ZBTB5: variants seen among roughly 807,000 people sequenced by gnomAD.
ZBTB5 encodes the protein zinc finger and BTB domain containing 5.
Under a neutral mutation model 37.9 loss-of-function variants are expected in ZBTB5, and 15 were observed. That is an observed-to-expected ratio of 0.40 (90% CI 0.26 to 0.61). The LOEUF (loss-of-function observed/expected upper bound fraction) is 0.61. ZBTB5 is among the 20% of genes least tolerant of loss of function. ZBTB5 has a pLI of 0.47. For missense variants in ZBTB5, 708 were observed against 856.8 expected (o/e 0.83, Z 2.17); for synonymous variants, 315 against 312.4 (o/e 1.01, Z -0.09).
chr9:37,452,083 A>C (rs1239988937), intron 1 of ZBTB5, among the ~76,000 whole-genome samples: 1 of 152,206 alleles, frequency 6.6e-6, no homozygotes, highest in Non-Finnish European at 1.5e-5. Context: ...TTACAAGAAC[A>C]GTTTAGCTTT....
chr9:37,446,892 A>C (rs1824001328), intron 1 of ZBTB5, among the ~76,000 whole-genome samples: 1 of 152,234 alleles, frequency 6.6e-6, no homozygotes, highest in Non-Finnish European at 1.5e-5. Flanking sequence ...TTTGAGGAAT[A>C]AAATAAACAG....
intron 1 of ZBTB5, among the ~76,000 whole-genome samples, chr9:37,451,687 C>A (rs1305927129): frequency 6.6e-6 from 1 of 151,740 alleles, no homozygotes; most frequent in African/African-American, 2.4e-5. Context: ...AAAAAACTGT[C>A]ATTATCACCC....
intron 1 of ZBTB5, among the ~76,000 whole-genome samples, chr9:37,453,027 GGATA>G (rs980226899): frequency 6.6e-6 from 1 of 152,164 alleles, no homozygotes; most frequent in African/African-American, 2.4e-5. Context: ...GTAACCATAT[GGATA>G]AACAGATGCT....
In ZBTB5 at chr9:37,454,295, C is replaced by T. The variant is rs529598215; in HGVS notation, c.-5+10920G>A. 1.6e-4 allele frequency among the ~76,000 whole-genome samples: 25 copies of T among 152,312 alleles called. No individual in the cohort carries two copies. In the South Asian group the frequency reaches 5.2e-3, roughly 32 times the overall value. On this transcript the variant is annotated intron_variant, in intron 1 of 1. Transcript: ENST00000307750. ...ATTCTAGCAAAGTCAGAAGGCCAGTCTAAAAGCCTTAACAGAGCTCAGGCT... is the reference window on the plus strand; with the variant it reads ...ATTCTAGCAAAGTCAGAAGGCCAGTTTAAAAGCCTTAACAGAGCTCAGGCT...
chr9:37,463,789 T>C (rs1007869719), intron 1 of ZBTB5, among the ~76,000 whole-genome samples: 12 of 152,188 alleles, frequency 7.9e-5, no homozygotes, highest in Non-Finnish European at 1.8e-4. Flanking sequence ...CTAAAAGTTA[T>C]GTTTTGACAC....
chr9:37,445,236 G>C (rs929294998), intron 1 of ZBTB5, among the ~76,000 whole-genome samples: 2 of 152,222 alleles, frequency 1.3e-5, no homozygotes, highest in African/African-American at 2.4e-5. Flanking sequence ...CATGGGGGAA[G>C]AGGGTAGAGG....
rs750912358 is a variant in ZBTB5, at chr9:37,441,286, A to G, written c.1266T>C (p.Thr422=). 1 of 1,614,222 alleles carries G rather than the reference A, an allele frequency of 6.2e-7. No homozygotes were observed. The highest frequency in any genetic ancestry group is 1.1e-5 in the South Asian group (1 of 91,084). ...FLNKSRGNNF[T]ANQNNDDNIP... ...TATTATCATCATTGTTCTGATTTGC[A>G]GTAAAGTTATTTCCTCTGCTCTTGT... Residue 422 remains threonine (T), a synonymous_variant, in exon 2 of 2, where the codon ACT becomes ACC. Transcript: ENST00000307750.
chr9:37,458,838 G>A (rs1009434693), intron 1 of ZBTB5, among the ~76,000 whole-genome samples: 2 of 152,146 alleles, frequency 1.3e-5, no homozygotes, highest in African/African-American at 4.8e-5. Context: ...TTCATTCAAG[G>A]TACAAAACAT....
chr9:37,441,542 G>A lies in ZBTB5; in HGVS notation c.1010C>T (p.Pro337Leu), dbSNP rs1220802954. 8.7e-6 allele frequency: 14 copies of A among 1,612,724 alleles called. No homozygotes were observed. Among genetic ancestry groups the A allele is most frequent in the Non-Finnish European group, 1.2e-5 (14 of 1,179,864 alleles). The change falls in exon 2 of 2, where the codon CCT becomes CTT. Residue 337 changes from proline to leucine, a missense_variant. By Grantham distance (98) the Pro-to-Leu change is moderately conservative. Transcript: ENST00000307750. ...VVVKSEPLSS[P>L]EPQDEVSDVT... ...ATCGCTCACTTCATCCTGAGGCTCA[G>A]GTGAGCTCAGGGGCTCAGATTTAAC...
At chr9:37,453,208 G>A (rs988269179) in intron 1 of ZBTB5, among the ~76,000 whole-genome samples, 2 of 152,136 alleles carry the variant, frequency 1.3e-5, no homozygotes, top group African/African-American at 4.8e-5. Flanking sequence ...TCTTTAAATA[G>A]TGACAGGGTC....
chr9:37,448,609 A>C (rs1263310951), intron 1 of ZBTB5, among the ~76,000 whole-genome samples: 2 of 152,250 alleles, frequency 1.3e-5, no homozygotes, highest in African/African-American at 2.4e-5. Flanking sequence ...TTACACTGTA[A>C]CATCTTCAAT....
chr9:37,442,054 C>T lies in ZBTB5; in HGVS notation c.498G>A (p.Glu166=). 1.9e-6 allele frequency: 3 copies of T among 1,613,912 alleles called. No homozygotes were observed. Among genetic ancestry groups the T allele is most frequent in the Middle Eastern group, 1.6e-4 (1 of 6,062 alleles). The change falls in exon 2 of 2, where the codon GAG becomes GAA. Residue 166 remains glutamate, a synonymous_variant. Transcript: ENST00000307750. The part of the protein sequence containing the change: ...SALNSSQNGE[E]QPAPMSSSMR... ...TGGAAGAGCTCATGGGGGCTGGCTG[C>T]TCCTCGCCATTCTGGCTGGAATTGA... is the stretch of plus-strand genomic sequence containing the variant.
chr9:37,443,508 CAACCT>C (rs1823923157), intron 1 of ZBTB5, among the ~76,000 whole-genome samples: 1 of 152,162 alleles, frequency 6.6e-6, no homozygotes, highest in African/African-American at 2.4e-5. Context: ...GCGGATAAAA[CAACCT>C]AACATATATA....
intron 1 of ZBTB5, among the ~76,000 whole-genome samples, chr9:37,463,699 C>T (rs1286628227): frequency 1.3e-5 from 2 of 152,200 alleles, no homozygotes; most frequent in African/African-American, 4.8e-5. Context: ...GATGCCTTTC[C>T]TCCAAATCTT....
intron 1 of ZBTB5, among the ~76,000 whole-genome samples, chr9:37,453,343 C>A (rs1824134766): frequency 6.6e-6 from 1 of 151,650 alleles, no homozygotes; most frequent in Non-Finnish European, 1.5e-5. Flanking sequence ...CAGACCACCA[C>A]ACGCAGCTTT....
Position 37,438,604 on chromosome 9 carries a change from C to G in ZBTB5, c.*1914G>C, listed in dbSNP as rs768924969. 6.6e-6 allele frequency: 1 copy of G among 152,278 alleles called. No individual in the cohort carries two copies. Among genetic ancestry groups the G allele is most frequent in the Admixed American group, 6.5e-5 (1 of 15,272 alleles). The allele number at this position is 152,278 out of a possible 1,614,324, so 9.4% of individuals were successfully genotyped here. A position where few individuals can be genotyped will look rare whatever the true frequency, so the allele number is the denominator to read the frequency against. ...AAATGGAAGGGAAGGAGGGCTGCACCGCTCTGCCTGTGTCACTGGCTCCTC... is the reference window on the plus strand; with the variant it reads ...AAATGGAAGGGAAGGAGGGCTGCACGGCTCTGCCTGTGTCACTGGCTCCTC... On this transcript the variant is annotated 3_prime_UTR_variant, in exon 2 of 2. Transcript: ENST00000307750.
rs142287940 is a variant in ZBTB5, at chr9:37,450,780, G to A, written c.-4-8225C>T. ...CTCAGGAGGCTGAGGCAGGAGAATC[G>A]CTTGAACCTGGGAGGCGGAGGTTGC... On this transcript the variant is annotated intron_variant, in intron 1 of 1. Transcript: ENST00000307750. Among the ~76,000 whole-genome samples, 187 of 151,752 alleles carry A rather than the reference G, an allele frequency of 1.2e-3. 1 individual carries two copies. Among genetic ancestry groups the A allele is most frequent in the African/African-American group, 3.6e-3 (148 of 41,370 alleles).
intron 1 of ZBTB5, among the ~76,000 whole-genome samples, chr9:37,449,659 A>G (rs1476021613): frequency 6.7e-6 from 1 of 148,352 alleles, no homozygotes; most frequent in Non-Finnish European, 1.5e-5. Context: ...AGACTGTACC[A>G]CTGCACTCTA....
At chr9:37,448,464 C>CATCCCTCTGACAAATAGG (rs1326430440) in intron 1 of ZBTB5, among the ~76,000 whole-genome samples, 3 of 152,192 alleles carry the variant, frequency 2.0e-5, no homozygotes, top group Admixed American at 6.5e-5. Flanking sequence ...GTCCACCTAG[C>CATCCCTCTGACAAATAGG]ATCCCTCTGA....
Sources: allele counts gnomAD v4.1 joint callset (sites outside exome capture counted in the v4.1 genomes callset), GRCh38; gene constraint gnomAD v4.1.1; transcripts MANE v1.5; gene names NCBI Gene and HGNC (gene_info 2026-07-23, HGNC 2026-07-21).